The following CNTNAP2 variants were observed in gnomAD, a reference collection of about 807,000 sequenced individuals.
The protein encoded by CNTNAP2 is contactin-associated protein-like 2.
In CNTNAP2, 98 loss-of-function variants were observed where a neutral mutation model predicts 155.2. That is an observed-to-expected ratio of 0.63 (90% CI 0.54 to 0.75). The LOEUF is 0.75. Among genes scored for constraint, CNTNAP2 ranks in the 30% least tolerant of loss-of-function variants. The pLI is 0.00. For synonymous variants in CNTNAP2, 651 were observed against 631.2 expected, an observed-to-expected ratio of 1.03 and a Z score of -0.47; for missense variants, 1,727 against 1,688.1, an observed-to-expected ratio of 1.02 and a Z score of -0.40.
intron 8 of CNTNAP2, among the ~76,000 whole-genome samples, chr7:147,198,523 C>T (rs1027846175): frequency 2.6e-5 from 4 of 152,110 alleles, no homozygotes; most frequent in Non-Finnish European, 4.4e-5. Context: ...TGAGCCACCG[C>T]GCCAGGCTGG....
chr7:147,626,592 C>A (rs1794982504), intron 12 of CNTNAP2, among the ~76,000 whole-genome samples: 1 of 152,110 alleles, frequency 6.6e-6, no homozygotes, highest in Admixed American at 6.5e-5. Context: ...TATGGCCCTG[C>A]CCATCACCTG....
intron 1 of CNTNAP2, among the ~76,000 whole-genome samples, chr7:146,331,074 T>G (rs113803539): frequency 0.13 from 19,248 of 151,572 alleles, 3,631 homozygotes; most frequent in African/African-American, 0.41. Context: ...GGAGGCCGAG[T>G]CGGGCGGATC....
At chr7:146,471,498 C>G (rs957743489) in intron 1 of CNTNAP2, among the ~76,000 whole-genome samples, 8 of 152,198 alleles carry the variant, frequency 5.3e-5, no homozygotes, top group African/African-American at 1.9e-4. Flanking sequence ...TTTCTGATGG[C>G]AAAAATGTAA....
At chr7:147,210,375 T>G (rs1803121529) in intron 8 of CNTNAP2, among the ~76,000 whole-genome samples, 1 of 152,058 alleles carries the variant, frequency 6.6e-6, no homozygotes. Context: ...TTCTGTTTTG[T>G]GTGCATGGAG....
chr7:147,931,451 C>T (rs1352488280), intron 14 of CNTNAP2, among the ~76,000 whole-genome samples: 2 of 152,088 alleles, frequency 1.3e-5, no homozygotes, highest in African/African-American at 4.8e-5. Context: ...ATAAGGCCAG[C>T]ATTTCCCTGA....
At chr7:146,842,781 T>G (rs188510127) in intron 3 of CNTNAP2, among the ~76,000 whole-genome samples, 5,590 of 149,438 alleles carry the variant, frequency 0.037, 367 homozygotes, top group African/African-American at 0.13. Context: ...CGCCTCCCGG[T>G]TTCACGCCAT....
At chr7:147,958,317 A>G (rs752151758) in intron 14 of CNTNAP2, among the ~76,000 whole-genome samples, 30 of 152,206 alleles carry the variant, frequency 2.0e-4, no homozygotes, top group Admixed American at 9.2e-4. Flanking sequence ...TTTTGAAAAT[A>G]CAAATTGCTT....
intron 1 of CNTNAP2, among the ~76,000 whole-genome samples, chr7:146,289,758 C>T (rs1478767886): frequency 2.6e-5 from 4 of 152,116 alleles, no homozygotes; most frequent in Non-Finnish European, 4.4e-5. Context: ...TAAATTTTAT[C>T]ATAGGAAATT....
intron 1 of CNTNAP2, among the ~76,000 whole-genome samples, chr7:146,648,462 C>T (rs1799852328): frequency 6.6e-6 from 1 of 152,030 alleles, no homozygotes; most frequent in South Asian, 2.1e-4. Flanking sequence ...GTCTACAAAC[C>T]AGATTTTTAT....
At chr7:148,017,360 A>G (rs1223926073) in intron 15 of CNTNAP2, among the ~76,000 whole-genome samples, 1 of 152,240 alleles carries the variant, frequency 6.6e-6, no homozygotes, top group East Asian at 1.9e-4. Flanking sequence ...AAAGTGAAGC[A>G]GATATGAGAG....
At chr7:146,364,063 G>T (rs1454877233) in intron 1 of CNTNAP2, among the ~76,000 whole-genome samples, 1 of 152,098 alleles carries the variant, frequency 6.6e-6, no homozygotes, top group African/African-American at 2.4e-5. Flanking sequence ...TCATGAGTAA[G>T]ATCTAATACC....
intron 13 of CNTNAP2, among the ~76,000 whole-genome samples, chr7:147,762,257 A>C (rs1797315127): frequency 6.6e-6 from 1 of 152,074 alleles, no homozygotes; most frequent in Non-Finnish European, 1.5e-5. Context: ...TCAATGGAGC[A>C]AGGAATATAT....
chr7:146,817,440 C>A (rs762875961), intron 2 of CNTNAP2, among the ~76,000 whole-genome samples: 55 of 151,582 alleles, frequency 3.6e-4, no homozygotes, highest in Non-Finnish European at 7.4e-4. Flanking sequence ...CCACTGCACT[C>A]CAGCTTGGGC....
chr7:146,859,673 A>G (rs1372245248), intron 3 of CNTNAP2, among the ~76,000 whole-genome samples: 1 of 151,416 alleles, frequency 6.6e-6, no homozygotes. Context: ...AAAAAAAAAT[A>G]TATATAATCC....
intron 1 of CNTNAP2, among the ~76,000 whole-genome samples, chr7:146,518,081 C>T (rs1307545694): frequency 6.6e-6 from 1 of 151,556 alleles, no homozygotes; most frequent in African/African-American, 2.4e-5. Flanking sequence ...TTCCATTCAC[C>T]CTTGCTTTTT....
chr7:146,603,127 C>T (rs558918240), intron 1 of CNTNAP2, among the ~76,000 whole-genome samples: 10 of 151,224 alleles, frequency 6.6e-5, no homozygotes, highest in Non-Finnish European at 1.0e-4. Context: ...TAAAATATTG[C>T]GATAGCTGGG....
chr7:147,314,038 G>A (rs1003333806), intron 9 of CNTNAP2, among the ~76,000 whole-genome samples: 7 of 152,108 alleles, frequency 4.6e-5, no homozygotes, highest in Non-Finnish European at 1.0e-4. Flanking sequence ...GTGAATGGGA[G>A]TTCACTCATG....
chr7:146,502,224 AATATATATATATATATATAT>A (rs59759183), intron 1 of CNTNAP2, among the ~76,000 whole-genome samples: 13 of 94,810 alleles, frequency 1.4e-4, no homozygotes, highest in South Asian at 1.0e-3. Context: ...TATATATATG[AATATATATATATATATATAT>A]ATATATATAT....
intron 13 of CNTNAP2, among the ~76,000 whole-genome samples, chr7:147,823,715 G>T (rs1457451720): frequency 1.6e-5 from 2 of 124,958 alleles, no homozygotes; most frequent in Non-Finnish European, 3.6e-5. Context: ...TTGCAAGCAA[G>T]GGCTTAAAAA....
Sources: gnomAD v4.1 joint callset for allele counts (sites outside exome capture counted in the v4.1 genomes callset) on GRCh38, gnomAD v4.1.1 for gene constraint, MANE v1.5 for transcripts, NCBI Gene and HGNC (gene_info 2026-07-23, HGNC 2026-07-21) for gene names.